Variants in PGD observed in about 807,000 individuals in gnomAD.
PGD encodes 6-phosphogluconate dehydrogenase, decarboxylating.
In PGD, 21 loss-of-function variants were observed where a neutral mutation model predicts 60.4. The ratio of observed to expected loss-of-function variants is 0.35; its 90% CI spans 0.25 to 0.50. PGD has a LOEUF of 0.50. Among genes scored for constraint, PGD ranks in the 20% least tolerant of loss-of-function variants. The pLI is 0.98. For missense variants in PGD, 477 were observed against 613.1 expected (o/e 0.78, Z 2.34); for synonymous variants, 230 against 235.9 (o/e 0.97, Z 0.23).
At chr1:10,412,986 G>A (rs999414504) in intron 7 of PGD, 76 bp from the exon 8 acceptor site, 41 of 1,273,082 alleles carry the variant, frequency 3.2e-5, no homozygotes, top group African/African-American at 1.2e-4. Context: ...ATTGGTCAGC[G>A]TGGACATTGG....
intron 6 of PGD, among the ~76,000 whole-genome samples, 192 bp from the exon 7 acceptor site, chr1:10,411,226 T>C (rs188091819): frequency 1.4e-4 from 21 of 152,338 alleles, no homozygotes; most frequent in South Asian, 1.0e-3. Flanking sequence ...TTAAATAATA[T>C]TGTACTGGAC....
At chr1:10,400,327 A>C in intron 2 of PGD, 66 bp from the exon 3 acceptor site, 1 of 1,236,728 alleles carries the variant, frequency 8.1e-7, no homozygotes, top group East Asian at 2.4e-5. Flanking sequence ...GGTCATTGTT[A>C]CTTTGGCCAC....
At chr1:10,418,805 T>C (rs1163016079) in intron 10 of PGD, 21 bp from the exon 11 acceptor site, 3 of 1,416,396 alleles carry the variant, frequency 2.1e-6, no homozygotes, top group Non-Finnish European at 2.0e-6. Context: ...CATTGCTTTT[T>C]TCCCCCCTTG....
At chr1:10,412,735 G>A (rs912132536) in intron 7 of PGD, 3 of 236,102 alleles carry the variant, frequency 1.3e-5, no homozygotes, top group African/African-American at 2.2e-5. Flanking sequence ...CTGTGAGAAC[G>A]AAGAGTAAAC....
rs373806571 is a variant in PGD at position 10,399,072 on chromosome 1, C to T, written c.-46C>T. On this transcript the variant is annotated 5_prime_UTR_variant, in exon 1 of 13. Coordinates refer to ENST00000270776, the MANE Select transcript of PGD (RefSeq NM_002631.4). Reference sequence around the variant, plus strand: ...AGCCGCTGCGGGTCTTTCCCTCACTCGTCCTCCGCGCGTCGCCGCTCTTCG... The same window carrying T: ...AGCCGCTGCGGGTCTTTCCCTCACTTGTCCTCCGCGCGTCGCCGCTCTTCG... The T allele has an allele frequency of 8.7e-6, 14 of 1,608,342 alleles. No homozygotes were observed. Among genetic ancestry groups the T allele is most frequent in the African/African-American group, 1.3e-5 (1 of 74,870 alleles).
intron 6 of PGD, among the ~76,000 whole-genome samples, chr1:10,410,775 C>T (rs1369579605): frequency 6.6e-6 from 1 of 152,008 alleles, no homozygotes; most frequent in Non-Finnish European, 1.5e-5. Context: ...GGTTTTCATC[C>T]TACATTCATT....
intron 1 of PGD, 143 bp downstream of exon 1, chr1:10,399,268 C>A: frequency 1.0e-6 from 1 of 972,694 alleles, no homozygotes; most frequent in Non-Finnish European, 1.5e-6. Context: ...CCTGGCCCTA[C>A]GGCGTCTCGG....
rs1140442 is a variant in PGD, at chr1:10,420,352, T to C, written c.*603T>C. 6.7e-6 allele frequency among the ~76,000 whole-genome samples: 1 copy of C among 148,966 alleles called. No individual in the cohort carries two copies. Among genetic ancestry groups the C allele is most frequent in the Non-Finnish European group, 1.5e-5 (1 of 67,480 alleles). Reference sequence around the variant, plus strand: ...TTTCTTTCTCCAATTGGGCAATGGGTACATGGACGTTCACTGTAACGTGCT... The same window carrying C: ...TTTCTTTCTCCAATTGGGCAATGGGCACATGGACGTTCACTGTAACGTGCT... On this transcript the variant is annotated 3_prime_UTR_variant, in exon 13 of 13. Transcript: ENST00000270776.
At chr1:10,413,334 G>A in intron 8 of PGD, 83 bp downstream of exon 8, 10 of 1,257,220 alleles carry the variant, frequency 8.0e-6, no homozygotes, top group Non-Finnish European at 1.1e-5. Context: ...CTGGTCTTTA[G>A]AGAATCTCTT....
intron 6 of PGD, among the ~76,000 whole-genome samples, chr1:10,410,086 G>GT (rs1185108583): frequency 6.6e-6 from 1 of 152,122 alleles, no homozygotes; most frequent in Non-Finnish European, 1.5e-5. Context: ...GTAAGGTGAA[G>GT]TAAGATGTTA....
At chr1:10,401,500 A>G (rs577688087) in intron 3 of PGD, among the ~76,000 whole-genome samples, 1 of 152,340 alleles carries the variant, frequency 6.6e-6, no homozygotes, top group East Asian at 1.9e-4. Flanking sequence ...TTGTTTCCAC[A>G]GGGAGAAGGA....
intron 8 of PGD, chr1:10,415,181 C>G (rs1389423479): frequency 1.3e-5 from 2 of 152,142 alleles, no homozygotes; most frequent in Non-Finnish European, 2.9e-5. Context: ...TCCCTTGACT[C>G]TTCTCCCCTT....
Position 10,408,067 on chromosome 1 carries a change from A to G in PGD, c.450-4A>G, listed in dbSNP as rs1478569565. The G allele has an allele frequency of 1.3e-6, 2 of 1,588,808 alleles. No homozygotes were observed. The highest frequency in any genetic ancestry group is 1.7e-6 in the Non-Finnish European group (2 of 1,156,856). ...TAACTGAACCACACTGTTTCTTTAC[A>G]CAGGCCCCACATCAAGACCATCTTC... On this transcript the variant is annotated splice_polypyrimidine_tract_variant and splice_region_variant and intron_variant, in intron 5 of 12. Transcript: ENST00000270776.
At chr1:10,413,972 C>T (rs1290645752) in intron 8 of PGD, among the ~76,000 whole-genome samples, 1 of 152,140 alleles carries the variant, frequency 6.6e-6, no homozygotes, top group Non-Finnish European at 1.5e-5. Flanking sequence ...ATGAGAATCG[C>T]TTGAACCCAG....
chr1:10,404,983 G>A (rs1276030060), intron 5 of PGD, among the ~76,000 whole-genome samples: 1 of 152,210 alleles, frequency 6.6e-6, no homozygotes, highest in Non-Finnish European at 1.5e-5. Flanking sequence ...GGAAGCTGCG[G>A]TGAATGATCA....
At chr1:10,407,983 T>G (rs1192910701) in intron 5 of PGD, 88 bp from the exon 6 acceptor site, 11 of 763,426 alleles carry the variant, frequency 1.4e-5, no homozygotes, top group Middle Eastern at 2.4e-4. Context: ...AGATAGGGGT[T>G]GGTGTCTATG....
At chr1:10,410,016 G>T (rs1639473934) in intron 6 of PGD, among the ~76,000 whole-genome samples, 2 of 152,152 alleles carry the variant, frequency 1.3e-5, no homozygotes. Context: ...CACAGTCCTT[G>T]CCCCTACGTG....
At chr1:10,404,747 G>A (rs749814213) in intron 5 of PGD, among the ~76,000 whole-genome samples, 3 of 152,104 alleles carry the variant, frequency 2.0e-5, no homozygotes, top group Non-Finnish European at 2.9e-5. Context: ...CGATCTGCCC[G>A]CCTTGGCCTC....
intron 3 of PGD, among the ~76,000 whole-genome samples, 169 bp from the exon 4 acceptor site, chr1:10,402,902 C>G (rs1438058045): frequency 6.6e-6 from 1 of 152,190 alleles, no homozygotes; most frequent in Non-Finnish European, 1.5e-5. Context: ...CACACCACTG[C>G]AGGAGTTCAG....
Sources: gnomAD v4.1 joint callset for allele counts (sites outside exome capture counted in the v4.1 genomes callset) on GRCh38, gnomAD v4.1.1 for gene constraint, MANE v1.5 for transcripts, NCBI Gene and HGNC (gene_info 2026-07-23, HGNC 2026-07-21) for gene names.